STXBP6: variants seen among roughly 807,000 people sequenced by gnomAD.
STXBP6 encodes syntaxin-binding protein 6.
STXBP6 carries 21 observed loss-of-function variants against 26.9 expected under a neutral mutation model. The ratio of observed to expected loss-of-function variants is 0.78; its 90% CI spans 0.55 to 1.12. The LOEUF (loss-of-function observed/expected upper bound fraction) is 1.12. Among genes scored for constraint, STXBP6 ranks in the 50% most tolerant of loss-of-function variants. The pLI is 0.00. For synonymous variants in STXBP6, 97 were observed against 92.6 expected, an observed-to-expected ratio of 1.05 and a Z score of -0.27; for missense variants, 232 against 257.9, an observed-to-expected ratio of 0.90 and a Z score of 0.69.
intron 4 of STXBP6, among the ~76,000 whole-genome samples, chr14:24,821,641 A>C (rs2068138251): frequency 6.6e-6 from 1 of 152,222 alleles, no homozygotes; most frequent in Non-Finnish European, 1.5e-5. Context: ...TTTTAGGCAC[A>C]GTGAAGTCCC....
At chr14:24,916,564 T>C (rs144820815) in intron 2 of STXBP6, among the ~76,000 whole-genome samples, 2 of 152,240 alleles carry the variant, frequency 1.3e-5, no homozygotes, top group East Asian at 1.9e-4. Flanking sequence ...TGGAATTGGT[T>C]TGTTTGCTTT....
chr14:24,926,189 C>T (rs1432624658), intron 2 of STXBP6, among the ~76,000 whole-genome samples: 1 of 152,038 alleles, frequency 6.6e-6, no homozygotes, highest in African/African-American at 2.4e-5. Flanking sequence ...TATTTGACTT[C>T]CAAGCAGACT....
At position 25,016,982 on chromosome 14, in the gene STXBP6, C is replaced by T. The variant is rs558262028; in HGVS notation, c.-33+32896G>A. ...CCGTCCAGCTGTATAGTACATAGTG[C>T]GGAGTATGCAGTTAAACGCTTCTTA... is the stretch of plus-strand genomic sequence containing the variant. On this transcript the variant is annotated intron_variant, in intron 1 of 5. Coordinates refer to ENST00000323944, the MANE Select transcript of STXBP6 (RefSeq NM_001394410.1). 5.1e-4 allele frequency among the ~76,000 whole-genome samples: 77 copies of T among 152,196 alleles called. 3 individuals carry two copies. The South Asian group carries it at 0.016, about 31-fold the overall frequency.
At chr14:24,936,829 C>G (rs1353333374) in intron 2 of STXBP6, among the ~76,000 whole-genome samples, 1 of 152,180 alleles carries the variant, frequency 6.6e-6, no homozygotes, top group Non-Finnish European at 1.5e-5. Context: ...ATGATAAAGA[C>G]ACATGCACAC....
chr14:24,927,869 T>TG (rs1736179002), intron 2 of STXBP6, among the ~76,000 whole-genome samples: 1 of 152,218 alleles, frequency 6.6e-6, no homozygotes. Context: ...AAAACTCTTT[T>TG]TTTTTCCTCT....
At chr14:24,813,136 A>C (rs1450116846) in intron 5 of STXBP6, among the ~76,000 whole-genome samples, 1 of 152,200 alleles carries the variant, frequency 6.6e-6, no homozygotes, top group African/African-American at 2.4e-5. Context: ...GCATCTCATG[A>C]AGTATTAAAA....
chr14:24,999,439 T>C (rs542439331), intron 1 of STXBP6, among the ~76,000 whole-genome samples: 2 of 152,216 alleles, frequency 1.3e-5, no homozygotes, highest in South Asian at 4.2e-4. Context: ...ACCAACAACA[T>C]GTATTGATTG....
chr14:24,831,520 G>A (rs931416033), intron 4 of STXBP6, among the ~76,000 whole-genome samples: 2 of 152,082 alleles, frequency 1.3e-5, no homozygotes, highest in African/African-American at 2.4e-5. Context: ...AGCTCACCAA[G>A]GCTAAATTAT....
intron 1 of STXBP6, among the ~76,000 whole-genome samples, chr14:25,030,284 C>T (rs1431258335): frequency 6.6e-6 from 1 of 152,162 alleles, no homozygotes; most frequent in Non-Finnish European, 1.5e-5. Context: ...GACAGTACCC[C>T]ATGCCCAATA....
chr14:24,986,844 T>A (rs1455485721), intron 1 of STXBP6, among the ~76,000 whole-genome samples: 1 of 152,170 alleles, frequency 6.6e-6, no homozygotes, highest in African/African-American at 2.4e-5. Context: ...TGGTGAAATC[T>A]CCATGTGAGT....
chr14:24,842,933 A>G (rs1323398337), intron 4 of STXBP6, among the ~76,000 whole-genome samples: 1 of 152,226 alleles, frequency 6.6e-6, no homozygotes, highest in African/African-American at 2.4e-5. Context: ...TTTAATGGAT[A>G]GAGCTGGGAA....
intron 1 of STXBP6, among the ~76,000 whole-genome samples, chr14:25,035,083 G>A (rs932206588): frequency 6.6e-6 from 1 of 151,754 alleles, no homozygotes; most frequent in East Asian, 1.9e-4. Flanking sequence ...CCCAGGAGGC[G>A]GATGTTGCAG....
chr14:24,975,137 C>A (rs181201751), intron 1 of STXBP6, among the ~76,000 whole-genome samples: 1 of 152,218 alleles, frequency 6.6e-6, no homozygotes, highest in East Asian at 1.9e-4. Flanking sequence ...TTAATTACTA[C>A]CCCAACTGCA....
intron 1 of STXBP6, among the ~76,000 whole-genome samples, chr14:25,002,986 C>A (rs1331587472): frequency 6.6e-6 from 1 of 152,160 alleles, no homozygotes; most frequent in African/African-American, 2.4e-5. Context: ...CTCGGCCTCT[C>A]AAAGTGCTGG....
intron 1 of STXBP6, among the ~76,000 whole-genome samples, chr14:25,007,648 A>G (rs1444331297): frequency 6.6e-6 from 1 of 152,268 alleles, no homozygotes; most frequent in African/African-American, 2.4e-5. Context: ...CTGGTATCCA[A>G]ATCAGTGCAG....
intron 4 of STXBP6, among the ~76,000 whole-genome samples, chr14:24,839,766 T>C (rs563658709): frequency 1.3e-5 from 2 of 152,328 alleles, no homozygotes; most frequent in East Asian, 3.9e-4. Context: ...ATCCCTTCTT[T>C]ACAAATGAGA....
At chr14:24,997,738 T>C (rs1221766259) in intron 1 of STXBP6, among the ~76,000 whole-genome samples, 1 of 152,212 alleles carries the variant, frequency 6.6e-6, no homozygotes, top group Non-Finnish European at 1.5e-5. Context: ...TAACTATTGT[T>C]AACAGCATGC....
intron 2 of STXBP6, among the ~76,000 whole-genome samples, chr14:24,966,038 T>C (rs1362889580): frequency 6.6e-6 from 1 of 152,150 alleles, no homozygotes; most frequent in Non-Finnish European, 1.5e-5. Flanking sequence ...TTGCAATTAG[T>C]CAAAACTAAT....
intron 4 of STXBP6, among the ~76,000 whole-genome samples, chr14:24,825,606 G>T (rs1189892260): frequency 6.6e-6 from 1 of 152,330 alleles, no homozygotes. Context: ...TTTTGGCATT[G>T]TGAAGGTAAT....
Sources: allele counts gnomAD v4.1 joint callset (sites outside exome capture counted in the v4.1 genomes callset), GRCh38; gene constraint gnomAD v4.1.1; transcripts MANE v1.5; gene names NCBI Gene and HGNC (gene_info 2026-07-23, HGNC 2026-07-21).